Variants in TANK observed in about 807,000 individuals in gnomAD.
TANK encodes TRAF family member-associated NF-kappa-B activator.
Under a neutral mutation model 43.6 loss-of-function variants are expected in TANK, and 15 were observed. That is an observed-to-expected ratio of 0.34 (90% CI 0.23 to 0.53). TANK has a LOEUF of 0.53. Ranked by LOEUF, TANK falls within the 20% of genes least tolerant of loss-of-function variation. The probability of loss-of-function intolerance (pLI) is 0.94; values close to 1 mark genes in which losing one functional copy is unlikely to be tolerated. For missense variants in TANK, 417 were observed against 498.6 expected (o/e 0.84, Z 1.56); for synonymous variants, 162 against 178.2 (o/e 0.91, Z 0.73).
intron 1 of TANK, among the ~76,000 whole-genome samples, chr2:161,175,127 T>A (rs1346277479): frequency 6.6e-6 from 1 of 152,124 alleles, no homozygotes; most frequent in African/African-American, 2.4e-5. Flanking sequence ...ATGCTTCAAG[T>A]TACAGTTAAT....
chr2:161,163,372 C>G (rs1438848956), intron 1 of TANK: 1 of 152,142 alleles, frequency 6.6e-6, no homozygotes, highest in East Asian at 1.9e-4. Context: ...ATGTCAAGAA[C>G]TAAGAACAGC....
chr2:161,141,239 C>G (rs1224127129), intron 1 of TANK, among the ~76,000 whole-genome samples: 1 of 152,092 alleles, frequency 6.6e-6, no homozygotes, highest in African/African-American at 2.4e-5. Flanking sequence ...CCCCTCAGCC[C>G]CTGGCAACCA....
At chr2:161,207,467 TTC>T in intron 4 of TANK, 1 of 984,002 alleles carries the variant, frequency 1.0e-6, no homozygotes, top group Non-Finnish European at 1.2e-6. Flanking sequence ...CAGTTCAGCT[TTC>T]TCTTTTTTTA....
intron 4 of TANK, among the ~76,000 whole-genome samples, chr2:161,205,432 A>G (rs1686606174): frequency 1.3e-5 from 2 of 152,144 alleles, no homozygotes; most frequent in Admixed American, 6.5e-5. Context: ...GATTAAAATC[A>G]GGTAAATAAT....
intron 4 of TANK, among the ~76,000 whole-genome samples, chr2:161,222,383 CATATT>C (rs554316679): frequency 0.01 from 1,583 of 152,148 alleles, 11 homozygotes; most frequent in Non-Finnish European, 0.017. Context: ...ATTTGTTTGA[CATATT>C]AAATTATCAA....
In TANK at chr2:161,235,614, A is replaced by T. The variant is rs540544080; in HGVS notation, c.*96A>T. 9.5e-7 allele frequency: 1 copy of T among 1,047,122 alleles called. No individual in the cohort carries two copies. The highest frequency in any genetic ancestry group is 2.9e-5 in the Admixed American group (1 of 34,214). 64.9% of individuals were successfully genotyped at this position (1,047,122 alleles called of 1,614,324 possible). A position where few individuals can be genotyped will look rare whatever the true frequency, so the allele number is the denominator to read the frequency against. On this transcript the variant is annotated 3_prime_UTR_variant, in exon 8 of 8. Transcript: ENST00000392749. ...TTGTAAACTAAATTCAAGATCATTT[A>T]TAGGAAAATCTAGTTTCACAGCTAT...
intron 1 of TANK, among the ~76,000 whole-genome samples, chr2:161,173,879 G>C (rs1371889006): frequency 1.3e-5 from 2 of 152,068 alleles, no homozygotes; most frequent in Non-Finnish European, 2.9e-5. Flanking sequence ...AACAAGGGTT[G>C]CCTGCATCAC....
At chr2:161,169,299 A>G (rs1030652021) in intron 1 of TANK, among the ~76,000 whole-genome samples, 8 of 152,248 alleles carry the variant, frequency 5.3e-5, no homozygotes, top group African/African-American at 1.9e-4. Context: ...TGTATTAGTG[A>G]TAATAGGAAA....
chr2:161,224,171 C>G (rs1329351268), intron 5 of TANK, among the ~76,000 whole-genome samples, 180 bp downstream of exon 5: 2 of 151,970 alleles, frequency 1.3e-5, no homozygotes, highest in Non-Finnish European at 2.9e-5. Flanking sequence ...CAGTTAATAG[C>G]AGAGCTGAAT....
intron 2 of TANK, among the ~76,000 whole-genome samples, chr2:161,193,545 C>A (rs944679394): frequency 6.6e-6 from 1 of 152,160 alleles, no homozygotes; most frequent in South Asian, 2.1e-4. Flanking sequence ...CATAGCAAGA[C>A]CCTGTCTTTA....
chr2:161,157,364 T>C (rs541157606), upstream of TANK, among the ~76,000 whole-genome samples: 68 of 152,196 alleles, frequency 4.5e-4, no homozygotes, highest in Non-Finnish European at 7.9e-4. Flanking sequence ...GGCAAGGCTT[T>C]GCAACTGAGC....
chr2:161,213,035 A>G (rs1686961123), intron 4 of TANK, among the ~76,000 whole-genome samples: 1 of 152,208 alleles, frequency 6.6e-6, no homozygotes, highest in Non-Finnish European at 1.5e-5. Flanking sequence ...GAAGCAAGAG[A>G]GAGAGGGGAG....
upstream of TANK, among the ~76,000 whole-genome samples, chr2:161,158,080 A>G (rs1452822843): frequency 1.3e-5 from 2 of 151,454 alleles, no homozygotes; most frequent in Admixed American, 6.6e-5. Context: ...TGGTCTCACT[A>G]TGTTGCCCAG....
chr2:161,160,447 A>G lies in TANK; in HGVS notation c.-89A>G. 1 of 1,238,594 alleles carries G rather than the reference A, an allele frequency of 8.1e-7. No individual in the cohort carries two copies. Among genetic ancestry groups the G allele is most frequent in the Non-Finnish European group, 1.0e-6 (1 of 991,070 alleles). The allele number at this position is 1,238,594 out of a possible 1,614,324, so 76.7% of individuals were successfully genotyped here. A position where few individuals can be genotyped will look rare whatever the true frequency, so the allele number is the denominator to read the frequency against. On this transcript the variant is annotated 5_prime_UTR_variant, in exon 1 of 8. Coordinates refer to ENST00000392749, the MANE Select transcript of TANK (RefSeq NM_001199135.3). ...GGAGTCACTCGGCCAGGCGCCGGCGACCTGAGGGGAGAGGGAACGCAGCTG... is the reference window on the plus strand; with the variant it reads ...GGAGTCACTCGGCCAGGCGCCGGCGGCCTGAGGGGAGAGGGAACGCAGCTG...
intron 1 of TANK, chr2:161,162,957 A>G (rs1411887728): frequency 6.6e-6 from 1 of 152,200 alleles, no homozygotes. Flanking sequence ...CTAACAGGAT[A>G]GTGAATTACT....
At chr2:161,142,526 A>G (rs576895574) in intron 1 of TANK, among the ~76,000 whole-genome samples, 1 of 152,228 alleles carries the variant, frequency 6.6e-6, no homozygotes, top group East Asian at 1.9e-4. Flanking sequence ...GTGCAGTTTC[A>G]GTTTTCTGCA....
At chr2:161,152,857 G>A (rs1347200859) in intron 1 of TANK, among the ~76,000 whole-genome samples, 2 of 152,098 alleles carry the variant, frequency 1.3e-5, no homozygotes, top group Non-Finnish European at 2.9e-5. Context: ...AGAGCTAAAG[G>A]ATAATTTGAT....
rs550845609 is a variant in TANK, at chr2:161,208,865, A to C, written c.327+4072A>C. On this transcript the variant is annotated intron_variant, in intron 4 of 7. Coordinates refer to ENST00000392749, the MANE Select transcript of TANK (RefSeq NM_001199135.3). ...ACTTCCACTTAATTTTGTTCATTAGAAGCAAGTCACTAAGTAGTGGGGCAA... is the reference window on the plus strand; with the variant it reads ...ACTTCCACTTAATTTTGTTCATTAGCAGCAAGTCACTAAGTAGTGGGGCAA... 2.6e-5 allele frequency among the ~76,000 whole-genome samples: 4 copies of C among 152,316 alleles called. No homozygotes were observed. The South Asian group carries it at 8.3e-4, about 32-fold the overall frequency.
At position 161,231,220 on chromosome 2, in the gene TANK, G is replaced by A. The variant is rs780530213; in HGVS notation, c.770G>A (p.Ser257Asn). 29 of 1,613,972 alleles carry A rather than the reference G, an allele frequency of 1.8e-5. 1 individual carries two copies. In the South Asian group the frequency reaches 3.0e-4, roughly 16 times the overall value. Residue 257 changes from serine to asparagine, a missense_variant, in exon 7 of 8, where the codon AGT becomes AAT. Coordinates refer to ENST00000392749, the MANE Select transcript of TANK (RefSeq NM_001199135.3). ...ACTCCAGAGAGACCCGGCATCCTTA[G>A]TCCTGCCACGTCTGAGGCAGTGTGC... The part of the protein sequence containing the change: ...HSTPERPGIL[S>N]PATSEAVCQE...
Sources: gnomAD v4.1 joint callset for allele counts (sites outside exome capture counted in the v4.1 genomes callset) on GRCh38, gnomAD v4.1.1 for gene constraint, MANE v1.5 for transcripts, NCBI Gene and HGNC (gene_info 2026-07-23, HGNC 2026-07-21) for gene names.